The following C10orf90 variants were observed in gnomAD, a reference collection of about 807,000 sequenced individuals.
C10orf90 encodes the protein (E2-independent) E3 ubiquitin-conjugating enzyme FATS.
C10orf90 carries 56 observed loss-of-function variants against 62.5 expected under a neutral mutation model. The ratio of observed to expected loss-of-function variants is 0.90; its 90% CI spans 0.72 to 1.12. The LOEUF is 1.12. C10orf90 is among the 50% of genes most tolerant of loss of function. The probability of loss-of-function intolerance (pLI) is 0.00; values close to 1 mark genes in which losing one functional copy is unlikely to be tolerated. For synonymous variants in C10orf90, 386 were observed against 340.4 expected, an observed-to-expected ratio of 1.13 and a Z score of -1.47; for missense variants, 970 against 880.4, an observed-to-expected ratio of 1.10 and a Z score of -1.29.
At chr10:126,618,703 C>T (rs1302646785) in intron 2 of C10orf90, among the ~76,000 whole-genome samples, 2 of 152,070 alleles carry the variant, frequency 1.3e-5, no homozygotes, top group African/African-American at 4.8e-5. Context: ...GGAATTTGTA[C>T]AAAGTGAGCA....
intron 1 of C10orf90, among the ~76,000 whole-genome samples, chr10:126,662,246 C>T (rs185141921): frequency 1.1e-4 from 16 of 152,222 alleles, no homozygotes; most frequent in Admixed American, 9.8e-4. Context: ...TGACCCTCCT[C>T]GGGGCTCTAC....
intron 2 of C10orf90, among the ~76,000 whole-genome samples, chr10:126,517,433 C>G (rs1863494726): frequency 6.6e-6 from 1 of 152,170 alleles, no homozygotes; most frequent in Non-Finnish European, 1.5e-5. Flanking sequence ...TCTAACTTAA[C>G]TTCACTGATT....
chr10:126,593,623 T>C (rs1845024858), intron 2 of C10orf90, among the ~76,000 whole-genome samples: 1 of 152,040 alleles, frequency 6.6e-6, no homozygotes, highest in Non-Finnish European at 1.5e-5. Context: ...GATGGGTTAA[T>C]CTGTGCAGCA....
In C10orf90 at chr10:126,657,718, T is replaced by C. The variant is rs534411970; in HGVS notation, c.241-11081A>G. Reference sequence around the variant, plus strand: ...GCAACCTCTGCCTCCTGGGTTCAAATGATTCTCCTGCCTCAGCCTCCCGAG... The same window carrying C: ...GCAACCTCTGCCTCCTGGGTTCAAACGATTCTCCTGCCTCAGCCTCCCGAG... On this transcript the variant is annotated intron_variant, in intron 1 of 9. Transcript: ENST00000488181. Among the ~76,000 whole-genome samples the C allele has an allele frequency of 9.2e-4, 140 of 151,618 alleles. 1 individual carries two copies. Among genetic ancestry groups the C allele is most frequent in the Admixed American group, 9.2e-3 (139 of 15,166 alleles).
At chr10:126,642,643 A>G (rs1051763950) in intron 2 of C10orf90, among the ~76,000 whole-genome samples, 1 of 151,596 alleles carries the variant, frequency 6.6e-6, no homozygotes, top group Non-Finnish European at 1.5e-5. Context: ...CCTCTTCCCA[A>G]CTCATATCTT....
At chr10:126,462,745 A>G (rs1476579968) in intron 5 of C10orf90, among the ~76,000 whole-genome samples, 3 of 152,110 alleles carry the variant, frequency 2.0e-5, no homozygotes, top group Admixed American at 6.5e-5. Flanking sequence ...TACAACGACT[A>G]CAACAACTAC....
At chr10:126,452,268 C>T (rs1354379294) in intron 7 of C10orf90, among the ~76,000 whole-genome samples, 1 of 151,922 alleles carries the variant, frequency 6.6e-6, no homozygotes, top group Non-Finnish European at 1.5e-5. Flanking sequence ...GTTTAAACTG[C>T]TCATTTAAAG....
At chr10:126,434,194 T>C (rs1172532268) in intron 7 of C10orf90, among the ~76,000 whole-genome samples, 1 of 152,126 alleles carries the variant, frequency 6.6e-6, no homozygotes, top group Non-Finnish European at 1.5e-5. Flanking sequence ...AGCCCAGACA[T>C]CCCATTAATC....
At chr10:126,521,612 G>A (rs1037858760) in intron 2 of C10orf90, 9 of 498,304 alleles carry the variant, frequency 1.8e-5, no homozygotes, top group Non-Finnish European at 2.3e-5. Context: ...AGGCTTCTTT[G>A]ATGAGTAAAA....
chr10:126,524,033 C>T (rs1344018844), intron 2 of C10orf90, among the ~76,000 whole-genome samples: 1 of 152,206 alleles, frequency 6.6e-6, no homozygotes, highest in Non-Finnish European at 1.5e-5. Context: ...CATGGTTGTA[C>T]AAACATGTAT....
chr10:126,646,443 C>T (rs1040030908), intron 2 of C10orf90, 122 bp downstream of exon 2: 10 of 262,694 alleles, frequency 3.8e-5, no homozygotes, highest in Non-Finnish European at 6.0e-5. Context: ...TATCATCTCA[C>T]GTTTGGGGGA....
chr10:126,459,606 G>C (rs546057856), intron 6 of C10orf90, among the ~76,000 whole-genome samples: 3 of 152,214 alleles, frequency 2.0e-5, no homozygotes, highest in Non-Finnish European at 4.4e-5. Context: ...GGGCATGGAG[G>C]TGCTGAGTCA....
chr10:126,584,697 C>T (rs375065831), intron 2 of C10orf90, among the ~76,000 whole-genome samples: 1 of 152,194 alleles, frequency 6.6e-6, no homozygotes, highest in Non-Finnish European at 1.5e-5. Context: ...CTCAGAATCC[C>T]ACTGATTTGA....
intron 2 of C10orf90, chr10:126,520,736 G>A (rs960726077): frequency 6.6e-6 from 1 of 152,376 alleles, no homozygotes; most frequent in East Asian, 1.9e-4. Flanking sequence ...CCCTCTGAAG[G>A]CCCTAGGGGA....
rs184333385 is a variant in C10orf90 at position 126,664,915 on chromosome 10, C to A, written c.240+5326G>T. 2.0e-5 allele frequency among the ~76,000 whole-genome samples: 3 copies of A among 152,278 alleles called. No individual in the cohort carries two copies. The East Asian group carries it at 5.8e-4, about 29-fold the overall frequency. The stretch of plus-strand genomic sequence containing the variant: ...TGCAGGGAGGGCTGGAAGAATATGG[C>A]GACAGGGCAGCATTGAGACCCAAGT... On this transcript the variant is annotated intron_variant, in intron 1 of 9. Coordinates refer to ENST00000488181, the MANE Select transcript of C10orf90 (RefSeq NM_001350921.2).
chr10:126,429,893 T>C (rs766757128), intron 7 of C10orf90, 43 bp from the exon 8 acceptor site: 10 of 1,488,274 alleles, frequency 6.7e-6, no homozygotes, highest in Middle Eastern at 1.7e-4. Flanking sequence ...AGGCATAGAA[T>C]CTCACACATT....
At chr10:126,587,683 G>A (rs1236928486) in intron 2 of C10orf90, among the ~76,000 whole-genome samples, 5 of 152,356 alleles carry the variant, frequency 3.3e-5, no homozygotes, top group Admixed American at 3.3e-4. Flanking sequence ...TTAGAGGTGA[G>A]ATGTGGTTGG....
At chr10:126,436,809 T>C (rs1374939478) in intron 7 of C10orf90, among the ~76,000 whole-genome samples, 7 of 152,026 alleles carry the variant, frequency 4.6e-5, no homozygotes, top group Non-Finnish European at 8.8e-5. Flanking sequence ...GTTTTTGTTG[T>C]TTTTGTTGTT....
At chr10:126,467,603 G>A (rs941331964) in intron 4 of C10orf90, among the ~76,000 whole-genome samples, 11 of 152,238 alleles carry the variant, frequency 7.2e-5, no homozygotes, top group African/African-American at 2.6e-4. Flanking sequence ...TAAAGCCCCC[G>A]TCCTGAGTCT....
Sources: gnomAD v4.1 joint callset for allele counts (sites outside exome capture counted in the v4.1 genomes callset) on GRCh38, gnomAD v4.1.1 for gene constraint, MANE v1.5 for transcripts, NCBI Gene and HGNC (gene_info 2026-07-23, HGNC 2026-07-21) for gene names.